The following PPP4C variants were observed in gnomAD, a reference collection of about 807,000 sequenced individuals.
The protein encoded by PPP4C is protein phosphatase 4 catalytic subunit.
Under a neutral mutation model 40.5 loss-of-function variants are expected in PPP4C, and 10 were observed. The ratio of observed to expected loss-of-function variants is 0.25; its 90% CI spans 0.15 to 0.42. The LOEUF is 0.42. Among genes scored for constraint, PPP4C ranks in the 10% least tolerant of loss-of-function variants. PPP4C has a pLI of 1.00. For synonymous variants in PPP4C, 187 were observed against 163.6 expected (o/e 1.14, Z -1.09); for missense variants, 191 against 416.4 (o/e 0.46, Z 4.71).
rs747195099 is a variant in PPP4C, at chr16:30,084,647, C to G, written c.605-19C>G. 1 of 1,611,806 alleles carries G rather than the reference C, an allele frequency of 6.2e-7. No individual in the cohort carries two copies. Among genetic ancestry groups the G allele is most frequent in the Non-Finnish European group, 8.5e-7 (1 of 1,178,052 alleles). ...GAAGCCTGAGGACATCCCTCTCCAT[C>G]CCTCCCTTTCCGCATCAGACACCAC... On this transcript the variant is annotated intron_variant, in intron 7 of 8. Coordinates refer to ENST00000279387, the MANE Select transcript of PPP4C (RefSeq NM_002720.3).
At position 30,082,859 on chromosome 16, in the gene PPP4C, C is replaced by T. The variant is rs11861842; in HGVS notation, c.303+12C>T. 109,984 of 1,611,396 alleles carry T rather than the reference C, an allele frequency of 0.068. 4,817 individuals carry two copies. Among genetic ancestry groups the T allele is most frequent in the African/African-American group, 0.2 (14,625 of 74,898 alleles). The stretch of plus-strand genomic sequence containing the variant: ...TGCTGGCACTTAAGGTGGCAGTCCC[C>T]GGCTTCTGCACCCCCAACCTGGGCG... On this transcript the variant is annotated intron_variant, in intron 5 of 8. Transcript: ENST00000279387.
rs2072595516 is a variant in PPP4C, at chr16:30,085,093, T to C, written c.*31T>C. 1 of 1,608,212 alleles carries C rather than the reference T, an allele frequency of 6.2e-7. No individual in the cohort carries two copies. The highest frequency in any genetic ancestry group is 1.7e-5 in the Admixed American group (1 of 59,870). On this transcript the variant is annotated 3_prime_UTR_variant, in exon 9 of 9. Coordinates refer to ENST00000279387, the MANE Select transcript of PPP4C (RefSeq NM_002720.3). Reference sequence around the variant, plus strand: ...CCCGGCCCCTGCCCCCTCCAACCCTTCTGGCCCTCGCACCACTGTGACTCT... The same window carrying C: ...CCCGGCCCCTGCCCCCTCCAACCCTCCTGGCCCTCGCACCACTGTGACTCT...
intron 7 of PPP4C, among the ~76,000 whole-genome samples, chr16:30,084,013 T>C (rs2072562136): frequency 6.6e-6 from 1 of 152,188 alleles, no homozygotes. Flanking sequence ...GAAGGGGCCT[T>C]AGAACATGAC....
At chr16:30,078,427 CAGCAGGAAG>C (rs748128523) in intron 2 of PPP4C, among the ~76,000 whole-genome samples, 1 of 152,156 alleles carries the variant, frequency 6.6e-6, no homozygotes, top group Non-Finnish European at 1.5e-5. Flanking sequence ...GGGTGTGAGG[CAGCAGGAAG>C]CCATGGAAGG....
intron 2 of PPP4C, 115 bp downstream of exon 2, chr16:30,076,590 G>C: frequency 1.0e-6 from 1 of 972,886 alleles, no homozygotes; most frequent in Non-Finnish European, 1.6e-6. Context: ...TTCCCAGAGA[G>C]GAGCAGGATG....
At chr16:30,080,303 C>A (rs2072479069) in intron 2 of PPP4C, among the ~76,000 whole-genome samples, 1 of 146,830 alleles carries the variant, frequency 6.8e-6, no homozygotes, top group African/African-American at 2.5e-5. Context: ...AAAGATGGCG[C>A]CACTGCACTC....
In PPP4C at chr16:30,083,800, G is replaced by T; in HGVS notation, c.604+19G>T. ...CCAGAAGGTGAGGGCATGTGGGCAGGGGCAGGCAGGGACAGCCAGGAGGGG... is the reference window on the plus strand; with the variant it reads ...CCAGAAGGTGAGGGCATGTGGGCAGTGGCAGGCAGGGACAGCCAGGAGGGG... On this transcript the variant is annotated intron_variant, in intron 7 of 8. Transcript: ENST00000279387. The surrounding 1 kb of genome is among the most constrained non-coding windows in gnomAD (Gnocchi z 6.3). 6.2e-7 allele frequency: 1 copy of T among 1,613,038 alleles called. No homozygotes were observed.
intron 2 of PPP4C, among the ~76,000 whole-genome samples, chr16:30,079,182 CT>C (rs1183495329): frequency 6.7e-6 from 1 of 149,978 alleles, no homozygotes; most frequent in African/African-American, 2.5e-5. Flanking sequence ...GCTTTGGTTT[CT>C]TTTTTTCTTT....
chr16:30,082,466 A>T lies in PPP4C; in HGVS notation c.151-18A>T, dbSNP rs2072528939. On this transcript the variant is annotated intron_variant, in intron 3 of 8. Transcript: ENST00000279387. ...CTCCCACTGCTTGAGTTCCAACCCC[A>T]CTCTTCCTGTTCCCCAGGTGTGCGG... is the stretch of plus-strand genomic sequence containing the variant. The T allele has an allele frequency of 6.2e-7, 1 of 1,612,014 alleles. No homozygotes were observed. Among genetic ancestry groups the T allele is most frequent in the African/African-American group, 1.3e-5 (1 of 74,788 alleles).
At chr16:30,084,370 T>TGTC (rs2072574619) in intron 7 of PPP4C, among the ~76,000 whole-genome samples, 1 of 152,264 alleles carries the variant, frequency 6.6e-6, no homozygotes, top group Non-Finnish European at 1.5e-5. Context: ...GGTGCCCTTC[T>TGTC]GTCTCTGGGA....
At position 30,083,228 on chromosome 16, in the gene PPP4C, G is replaced by A. The variant is rs181346832; in HGVS notation, c.304-166G>A. On this transcript the variant is annotated intron_variant, in intron 5 of 8. Transcript: ENST00000279387. The surrounding 1 kb of genome is among the most constrained non-coding windows in gnomAD (Gnocchi z 6.3). ...CAGCTTTACATTCTCTGGAGGGGTC[G>A]TGTGGGCCTGGGAGGTGGCTGATGC... The A allele has an allele frequency of 3.9e-4, 295 of 753,344 alleles. 3 individuals carry two copies. The African/African-American group carries it at 4.5e-3, about 12-fold the overall frequency. The allele number at this position is 753,344 out of a possible 1,614,324, so 46.7% of individuals were successfully genotyped here. A position where few individuals can be genotyped will look rare whatever the true frequency, so the allele number is the denominator to read the frequency against.
Position 30,076,305 on chromosome 16 carries a change from C to T in PPP4C, c.-63-10C>T, listed in dbSNP as rs1012809179. ...ACACTGATCCGCGGGCTCGTCTTGG[C>T]CTTTCCCAGGAGACCCCTGTGCGGT... On this transcript the variant is annotated splice_polypyrimidine_tract_variant and intron_variant, in intron 1 of 8. Coordinates refer to ENST00000279387, the MANE Select transcript of PPP4C (RefSeq NM_002720.3). 2 of 1,492,886 alleles carry T rather than the reference C, an allele frequency of 1.3e-6. No individual in the cohort carries two copies. The highest frequency in any genetic ancestry group is 1.2e-5 in the South Asian group (1 of 85,698). The allele number at this position is 1,492,886 out of a possible 1,614,324, so 92.5% of individuals were successfully genotyped here.
At position 30,083,099 on chromosome 16, in the gene PPP4C, A is replaced by G. The variant is rs2072541877; in HGVS notation, c.303+252A>G. On this transcript the variant is annotated intron_variant, in intron 5 of 8. Transcript: ENST00000279387. The surrounding 1 kb of genome is among the most constrained non-coding windows in gnomAD (Gnocchi z 6.3). ...CATTGATGCCACTGGTGGGAGAGGCAGTGTGGGGCCAGATGACAAAGGGCC... is the reference window on the plus strand; with the variant it reads ...CATTGATGCCACTGGTGGGAGAGGCGGTGTGGGGCCAGATGACAAAGGGCC... The G allele has an allele frequency of 1.2e-5, 7 of 590,262 alleles. No homozygotes were observed. Among genetic ancestry groups the G allele is most frequent in the Non-Finnish European group, 1.8e-5 (6 of 333,516 alleles). 36.6% of individuals were successfully genotyped at this position (590,262 alleles called of 1,614,324 possible). A position where few individuals can be genotyped will look rare whatever the true frequency, so the allele number is the denominator to read the frequency against.
intron 3 of PPP4C, 84 bp downstream of exon 3, chr16:30,081,394 C>G (rs2072503773): frequency 8.7e-7 from 1 of 1,146,646 alleles, no homozygotes; most frequent in African/African-American, 1.5e-5. Flanking sequence ...CTCTATAAGC[C>G]CAACCCTAAG....
At position 30,083,435 on chromosome 16, in the gene PPP4C, T is replaced by A; in HGVS notation, c.345T>A (p.His115Gln). Reference protein sequence around the residue: ...PDRITLIRGNHESRQITQVYG... With the variant: ...PDRITLIRGNQESRQITQVYG... ...GCATCACACTGATCCGGGGCAACCA[T>A]GAGAGTCGCCAGATCACGCAGGTCT... The change falls in exon 6 of 9, where the codon CAT becomes CAA. Residue 115 changes from histidine (H) to glutamine (Q), a missense_variant. Physicochemically the swap from His to Gln is conservative, Grantham distance 24. Around this residue, in one of 3 missense-constraint regions of PPP4C, gnomAD observed 171 missense variants for 352.4 expected, o/e 0.49. Coordinates refer to ENST00000279387, the MANE Select transcript of PPP4C (RefSeq NM_002720.3). This position sits in a 1 kb window ranked among gnomAD's most constrained non-coding sequence, Gnocchi z 6.3. 6.2e-7 allele frequency: 1 copy of A among 1,613,992 alleles called. No homozygotes were observed. Among genetic ancestry groups the A allele is most frequent in the Non-Finnish European group, 8.5e-7 (1 of 1,179,992 alleles).
At chr16:30,078,993 G>T (rs966918147) in intron 2 of PPP4C, among the ~76,000 whole-genome samples, 3 of 152,030 alleles carry the variant, frequency 2.0e-5, no homozygotes, top group Admixed American at 6.5e-5. Flanking sequence ...CTGGGGTTGC[G>T]CTGGCACTGA....
rs188553297 is a variant in PPP4C, at chr16:30,079,271, C to T, written c.99-1988C>T. The stretch of plus-strand genomic sequence containing the variant: ...GTGGCCTGATCTTGGCTCACTGCAA[C>T]CTCCACCTCCTAGGTTCAAGTGATT... On this transcript the variant is annotated intron_variant, in intron 2 of 8. Coordinates refer to ENST00000279387, the MANE Select transcript of PPP4C (RefSeq NM_002720.3). Among the ~76,000 whole-genome samples, 3 of 151,532 alleles carry T rather than the reference C, an allele frequency of 2.0e-5. No homozygotes were observed. In the East Asian group the frequency reaches 5.8e-4, roughly 29 times the overall value.
chr16:30,082,532 A>C lies in PPP4C; in HGVS notation c.199A>C (p.Arg67=). ...ATTCTATGACCTCAAAGAGCTGTTC[A>C]GAGTAAGAGTGTGGCCAACACTGTG... The part of the protein sequence containing the change: ...GQFYDLKELF[R]VGGDVPETNY... Residue 67 remains arginine, a splice_region_variant and synonymous_variant, in exon 4 of 9, where the codon AGA becomes CGA. Coordinates refer to ENST00000279387, the MANE Select transcript of PPP4C (RefSeq NM_002720.3). 1 of 1,612,794 alleles carries C rather than the reference A, an allele frequency of 6.2e-7. No homozygotes were observed. Among genetic ancestry groups the C allele is most frequent in the Non-Finnish European group, 8.5e-7 (1 of 1,178,814 alleles).
At chr16:30,077,500 C>T (rs2072424069) in intron 2 of PPP4C, among the ~76,000 whole-genome samples, 1 of 152,070 alleles carries the variant, frequency 6.6e-6, no homozygotes, top group South Asian at 2.1e-4. Context: ...AAGGGCATTC[C>T]AAGCAGGACG....
Sources: allele counts gnomAD v4.1 joint callset (sites outside exome capture counted in the v4.1 genomes callset), GRCh38; gene constraint gnomAD v4.1.1; regional missense constraint gnomAD v4.1.1; non-coding constraint Gnocchi (gnomAD v3.1); transcripts MANE v1.5; gene names NCBI Gene and HGNC (gene_info 2026-07-23, HGNC 2026-07-21).